Variants in EGFR observed in about 807,000 individuals in gnomAD.
The protein encoded by EGFR is avian erythroblastic leukemia viral (v-erb-b) oncogene homolog.
A neutral mutation model predicts 143.0 loss-of-function variants in EGFR; 58 were observed. That is an observed-to-expected ratio of 0.41 (90% confidence interval 0.33 to 0.50). The LOEUF is 0.50. Ranked by LOEUF, EGFR falls within the 20% of genes least tolerant of loss-of-function variation. The pLI is 0.39. For missense variants in EGFR, 1,307 were observed against 1,579.0 expected (o/e 0.83, Z 2.92); for synonymous variants, 613 against 594.4 (o/e 1.03, Z -0.45).
At chr7:55,033,418 C>T (rs1379739198) in intron 1 of EGFR, among the ~76,000 whole-genome samples, 5 of 152,162 alleles carry the variant, frequency 3.3e-5, no homozygotes, top group Non-Finnish European at 2.9e-5. Flanking sequence ...GCCTTGAACT[C>T]AGGGCCCCCT....
intron 1 of EGFR, among the ~76,000 whole-genome samples, chr7:55,123,409 G>A (rs1793328330): frequency 6.6e-6 from 1 of 152,050 alleles, no homozygotes; most frequent in Non-Finnish European, 1.5e-5. Flanking sequence ...CAAATATAAA[G>A]AAAACTTAAC....
At chr7:55,146,260 C>T (rs1423440371) in intron 3 of EGFR, among the ~76,000 whole-genome samples, 5 of 152,092 alleles carry the variant, frequency 3.3e-5, no homozygotes, top group African/African-American at 9.7e-5. Context: ...CTACATCATG[C>T]GACCATTCCA....
At chr7:55,190,077 A>C (rs935950009) in intron 20 of EGFR, among the ~76,000 whole-genome samples, 1 of 152,146 alleles carries the variant, frequency 6.6e-6, no homozygotes, top group African/African-American at 2.4e-5. Context: ...CCAGAGTAGC[A>C]GGGAGTCTGG....
At chr7:55,204,503 A>C (rs530425890) in intron 27 of EGFR, among the ~76,000 whole-genome samples, 5,839 of 139,772 alleles carry the variant, frequency 0.042, 378 homozygotes, top group African/African-American at 0.14. Context: ...AAAACCCCAC[A>C]CACACACAAA....
chr7:55,135,895 T>C (rs977822302), intron 1 of EGFR, among the ~76,000 whole-genome samples: 1 of 135,388 alleles, frequency 7.4e-6, no homozygotes, highest in African/African-American at 2.7e-5. Flanking sequence ...TTTTTGTAAA[T>C]TTTTTACAGA....
At chr7:55,097,622 C>A (rs1043834391) in intron 1 of EGFR, among the ~76,000 whole-genome samples, 1 of 152,194 alleles carries the variant, frequency 6.6e-6, no homozygotes, top group South Asian at 2.1e-4. Context: ...ATTTCTCCTT[C>A]TAAATATACG....
In EGFR at chr7:55,029,921, T is replaced by A. The variant is rs868805333; in HGVS notation, c.88+10556T>A. On this transcript the variant is annotated intron_variant, in intron 1 of 27. Transcript: ENST00000275493. ...GGTAATAAGTGTGCTGTCCCTATAATTTAGATGCTAAAACATTGATGTCAT... is the reference window on the plus strand; with the variant it reads ...GGTAATAAGTGTGCTGTCCCTATAAATTAGATGCTAAAACATTGATGTCAT... Among the ~76,000 whole-genome samples the A allele has an allele frequency of 2.6e-5, 4 of 152,318 alleles. No individual in the cohort carries two copies. In the South Asian group the frequency reaches 8.3e-4, roughly 32 times the overall value.
chr7:55,152,335 T>G, intron 5 of EGFR: 1 of 750,340 alleles, frequency 1.3e-6, no homozygotes, highest in Non-Finnish European at 2.4e-6. Flanking sequence ...AGACTTGATC[T>G]CATGAGTTCT....
chr7:55,132,495 A>G (rs1212454470), intron 1 of EGFR, among the ~76,000 whole-genome samples: 1 of 152,254 alleles, frequency 6.6e-6, no homozygotes, highest in East Asian at 1.9e-4. Flanking sequence ...CTTTATTTTT[A>G]GTGGTAAATG....
intron 15 of EGFR, chr7:55,170,618 C>T (rs1786300711): frequency 6.2e-7 from 1 of 1,603,840 alleles, no homozygotes; most frequent in Non-Finnish European, 8.5e-7. Context: ...GCCAGGTTCC[C>T]AAGAGTATCC....
chr7:55,056,423 C>A (rs1788822758), intron 1 of EGFR, among the ~76,000 whole-genome samples: 1 of 152,162 alleles, frequency 6.6e-6, no homozygotes, highest in Non-Finnish European at 1.5e-5. Flanking sequence ...ACTTCCTGCT[C>A]TTCTCAACAA....
chr7:55,176,674 C>T (rs930531550), intron 19 of EGFR, among the ~76,000 whole-genome samples: 1 of 151,804 alleles, frequency 6.6e-6, no homozygotes, highest in African/African-American at 2.4e-5. Context: ...AATCTCACCA[C>T]TGCACTCCAG....
chr7:55,134,755 T>C (rs770678550), intron 1 of EGFR, among the ~76,000 whole-genome samples: 1 of 152,264 alleles, frequency 6.6e-6, no homozygotes, highest in Non-Finnish European at 1.5e-5. Context: ...ACAGTTATCA[T>C]TGAAGGCACA....
intron 1 of EGFR, among the ~76,000 whole-genome samples, chr7:55,062,765 G>T (rs1258376213): frequency 6.6e-6 from 1 of 151,958 alleles, no homozygotes; most frequent in Non-Finnish European, 1.5e-5. Context: ...CGGACTTGTG[G>T]CATCTTTGAA....
chr7:55,095,934 C>T (rs1267282129), intron 1 of EGFR, among the ~76,000 whole-genome samples: 1 of 151,608 alleles, frequency 6.6e-6, no homozygotes, highest in Non-Finnish European at 1.5e-5. Flanking sequence ...GAGATACACA[C>T]AGAGACACAG....
intron 1 of EGFR, among the ~76,000 whole-genome samples, chr7:55,071,207 T>A (rs1232502653): frequency 6.6e-6 from 1 of 152,224 alleles, no homozygotes; most frequent in African/African-American, 2.4e-5. Flanking sequence ...CTGGAAGGCT[T>A]CTGCCCCCAT....
intron 1 of EGFR, among the ~76,000 whole-genome samples, chr7:55,073,447 A>G (rs571281185): frequency 3.5e-4 from 53 of 152,206 alleles, no homozygotes; most frequent in Non-Finnish European, 6.6e-4. Flanking sequence ...TGCAGTGATC[A>G]ATGCTTTTCT....
At chr7:55,144,433 C>T (rs955140714) in intron 3 of EGFR, among the ~76,000 whole-genome samples, 1 of 152,222 alleles carries the variant, frequency 6.6e-6, no homozygotes, top group Non-Finnish European at 1.5e-5. Flanking sequence ...TGCCCCAGGG[C>T]GCTCAACGCC....
At chr7:55,045,728 G>T (rs1457402424) in intron 1 of EGFR, among the ~76,000 whole-genome samples, 1 of 152,198 alleles carries the variant, frequency 6.6e-6, no homozygotes, top group Non-Finnish European at 1.5e-5. Context: ...AAAGTGCCTG[G>T]CATCCAGGAA....
Sources: gnomAD v4.1 joint callset for allele counts (sites outside exome capture counted in the v4.1 genomes callset) on GRCh38, gnomAD v4.1.1 for gene constraint, MANE v1.5 for transcripts, NCBI Gene and HGNC (gene_info 2026-07-23, HGNC 2026-07-21) for gene names.